Variants in CENPW observed in about 807,000 individuals in gnomAD.
CENPW encodes the protein cancer-up-regulated gene 2 protein.
CENPW carries 3 observed loss-of-function variants against 11.1 expected under a neutral mutation model. The observed-to-expected ratio is 0.27, with a 90% confidence interval of 0.12 to 0.70. CENPW has a LOEUF of 0.70. Among genes scored for constraint, CENPW ranks in the 30% least tolerant of loss-of-function variants. CENPW has a pLI of 0.77. For missense variants in CENPW, 100 were observed against 105.6 expected (o/e 0.95, Z 0.23); for synonymous variants, 38 against 42.0 (o/e 0.91, Z 0.37).
At chr6:126,361,073 A>G in the CENPW span, among the ~76,000 whole-genome samples, 1 of 152,174 alleles carries the variant, frequency 6.6e-6, no homozygotes, top group Admixed American at 6.5e-5. Context: ...TATAGTTTGA[A>G]TATAGTAAGT....
the CENPW span, among the ~76,000 whole-genome samples, chr6:126,478,929 T>A: frequency 6.6e-6 from 1 of 152,068 alleles, no homozygotes; most frequent in Non-Finnish European, 1.5e-5. Context: ...ATAGGATTCA[T>A]TTGTGAAGAA....
the CENPW span, among the ~76,000 whole-genome samples, chr6:126,359,635 T>C: frequency 2.0e-5 from 3 of 152,178 alleles, no homozygotes; most frequent in Non-Finnish European, 2.9e-5. Flanking sequence ...AGGATAGTTA[T>C]ATCTTATTGT....
the CENPW span, among the ~76,000 whole-genome samples, chr6:126,425,928 T>G: frequency 6.6e-6 from 1 of 152,066 alleles, no homozygotes; most frequent in African/African-American, 2.4e-5. Flanking sequence ...AAATTTCATT[T>G]ACTGTAAATA....
chr6:126,460,654 A>G, the CENPW span, among the ~76,000 whole-genome samples: 1 of 151,758 alleles, frequency 6.6e-6, no homozygotes, highest in East Asian at 1.9e-4. Context: ...AAAGCAGTAA[A>G]AATAAATTTT....
At chr6:126,386,748 G>T in the CENPW span, among the ~76,000 whole-genome samples, 1 of 151,808 alleles carries the variant, frequency 6.6e-6, no homozygotes, top group Non-Finnish European at 1.5e-5. Flanking sequence ...TTCCAGGTAG[G>T]CACTAGGGGC....
the CENPW span, among the ~76,000 whole-genome samples, chr6:126,390,638 G>A: frequency 6.6e-6 from 1 of 151,630 alleles, no homozygotes; most frequent in African/African-American, 2.4e-5. Flanking sequence ...ACCCTTCCCA[G>A]CCTCTGTTAA....
At chr6:126,430,111 G>A in the CENPW span, among the ~76,000 whole-genome samples, 4 of 152,142 alleles carry the variant, frequency 2.6e-5, no homozygotes, top group Admixed American at 2.6e-4. Flanking sequence ...TTAGTGACCT[G>A]TGTATGTACC....
At chr6:126,435,982 T>G in the CENPW span, among the ~76,000 whole-genome samples, 1 of 151,904 alleles carries the variant, frequency 6.6e-6, no homozygotes, top group African/African-American at 2.4e-5. Context: ...AAAGCTTGGC[T>G]TATAAATGAT....
At chr6:126,410,113 A>G in the CENPW span, among the ~76,000 whole-genome samples, 1 of 151,890 alleles carries the variant, frequency 6.6e-6, no homozygotes, top group Admixed American at 6.6e-5. Context: ...CCATGTTTTC[A>G]TGATAGTAAT....
At chr6:126,407,786 T>C in the CENPW span, among the ~76,000 whole-genome samples, 1 of 152,194 alleles carries the variant, frequency 6.6e-6, no homozygotes, top group Non-Finnish European at 1.5e-5. Context: ...GTGTTTGTTT[T>C]ATTCTTGTAA....
chr6:126,378,957 A>C, the CENPW span, among the ~76,000 whole-genome samples: 6 of 152,234 alleles, frequency 3.9e-5, no homozygotes, highest in African/African-American at 9.6e-5. Context: ...TGCATATAGG[A>C]AAAATATTAC....
At chr6:126,384,971 AT>A in the CENPW span, among the ~76,000 whole-genome samples, 1 of 152,186 alleles carries the variant, frequency 6.6e-6, no homozygotes, top group Admixed American at 6.6e-5. Flanking sequence ...CACTTTTCAA[AT>A]GCGTACACAC....
chr6:126,369,442 A>C, the CENPW span, among the ~76,000 whole-genome samples: 1 of 152,048 alleles, frequency 6.6e-6, no homozygotes, highest in Non-Finnish European at 1.5e-5. Context: ...GCCAACATAC[A>C]TTTTTTTAAA....
At chr6:126,466,983 C>G in the CENPW span, among the ~76,000 whole-genome samples, 2 of 151,900 alleles carry the variant, frequency 1.3e-5, no homozygotes, top group Admixed American at 1.3e-4. Context: ...AAACACTGCT[C>G]AAAGAAATCA....
chr6:126,361,339 G>T, the CENPW span, among the ~76,000 whole-genome samples: 1 of 151,678 alleles, frequency 6.6e-6, no homozygotes, highest in Non-Finnish European at 1.5e-5. Flanking sequence ...TCTTGCTCTC[G>T]CCCAGGATGG....
chr6:126,443,550 A>C, the CENPW span, among the ~76,000 whole-genome samples: 1 of 151,238 alleles, frequency 6.6e-6, no homozygotes, highest in Admixed American at 6.6e-5. Flanking sequence ...AGGACTGGTG[A>C]TATTCTAACT....
the CENPW span, among the ~76,000 whole-genome samples, chr6:126,430,287 C>T: frequency 6.6e-6 from 1 of 152,148 alleles, no homozygotes; most frequent in Non-Finnish European, 1.5e-5. Flanking sequence ...ATAAGTAAAA[C>T]ACAATTTGGC....
At chr6:126,379,580 A>G in the CENPW span, among the ~76,000 whole-genome samples, 2 of 152,194 alleles carry the variant, frequency 1.3e-5, no homozygotes, top group African/African-American at 2.4e-5. Context: ...ATTCCAACCA[A>G]TGTGGTCTGA....
chr6:126,340,433 G>C, intron 1 of CENPW, 34 bp downstream of exon 1: 1 of 1,614,094 alleles, frequency 6.2e-7, no homozygotes, highest in South Asian at 1.1e-5. Context: ...CTGGGAATGG[G>C]GCACGGGAGA....
Sources: gnomAD v4.1 joint callset for allele counts (sites outside exome capture counted in the v4.1 genomes callset) on GRCh38, gnomAD v4.1.1 for gene constraint, MANE v1.5 for transcripts, NCBI Gene and HGNC (gene_info 2026-07-23, HGNC 2026-07-21) for gene names.